The following GPI variants were observed in gnomAD, a reference collection of about 807,000 sequenced individuals.
GPI encodes the protein D-hexose-6-phosphate anomerase.
In GPI, 56 loss-of-function variants were observed where a neutral mutation model predicts 75.8. That is an observed-to-expected ratio of 0.74 (90% CI 0.60 to 0.92). The LOEUF (loss-of-function observed/expected upper bound fraction) is 0.92. GPI is among the 40% of genes least tolerant of loss of function. The pLI is 0.00. For missense variants in GPI, 638 were observed against 741.0 expected (o/e 0.86, Z 1.61); for synonymous variants, 288 against 285.4 (o/e 1.01, Z -0.09).
chr19:34,380,251 C>T (rs1568336295), intron 8 of GPI, among the ~76,000 whole-genome samples: 1 of 151,652 alleles, frequency 6.6e-6, no homozygotes, highest in Non-Finnish European at 1.5e-5. Context: ...CCACCTCAGC[C>T]TCCCAAAGTG....
chr19:34,394,782 C>T (rs145407286), intron 12 of GPI, among the ~76,000 whole-genome samples: 4 of 151,982 alleles, frequency 2.6e-5, no homozygotes, highest in East Asian at 3.9e-4. Context: ...GGCGCGATCT[C>T]GGCTCATTGC....
upstream of GPI, chr19:34,364,743 A>G (rs2074328251): frequency 4.8e-6 from 2 of 415,096 alleles, no homozygotes; most frequent in Admixed American, 8.6e-5. Flanking sequence ...TTTCCTCAAT[A>G]GCCCTTACCA....
chr19:34,399,553 C>T lies in GPI; in HGVS notation c.1399-3C>T. 6.2e-7 allele frequency: 1 copy of T among 1,613,682 alleles called. No individual in the cohort carries two copies. The highest frequency in any genetic ancestry group is 8.5e-7 in the Non-Finnish European group (1 of 1,179,574). ...TGGAGACATTCCTTGGTGTTTTCTG[C>T]AGGTCTTTGAAGGAAATCGCCCAAC... On this transcript the variant is annotated splice_region_variant and splice_polypyrimidine_tract_variant and intron_variant, in intron 15 of 17. Transcript: ENST00000356487.
chr19:34,382,278 G>A (rs1384549165), intron 9 of GPI, among the ~76,000 whole-genome samples: 1 of 152,296 alleles, frequency 6.6e-6, no homozygotes, highest in South Asian at 2.1e-4. Context: ...CCATTTGGTG[G>A]TTTTCCCACC....
At chr19:34,371,545 A>G (rs1206996739) in intron 4 of GPI, among the ~76,000 whole-genome samples, 1 of 152,042 alleles carries the variant, frequency 6.6e-6, no homozygotes, top group African/African-American at 2.4e-5. Flanking sequence ...GCTGGGTGTA[A>G]TTGTAATAAA....
chr19:34,361,595 G>A (rs1332762486), upstream of GPI, among the ~76,000 whole-genome samples: 2 of 152,102 alleles, frequency 1.3e-5, no homozygotes, highest in African/African-American at 4.8e-5. Context: ...AAATGGCTTT[G>A]GATTAGACTT....
intron 4 of GPI, among the ~76,000 whole-genome samples, chr19:34,376,616 C>CT (rs1305698873): frequency 6.6e-6 from 1 of 151,154 alleles, no homozygotes; most frequent in Non-Finnish European, 1.5e-5. Flanking sequence ...TTTTTGGAGT[C>CT]AGGGTCTTCC....
chr19:34,373,557 CAAA>C (rs538891535), intron 4 of GPI, among the ~76,000 whole-genome samples: 1 of 63,192 alleles, frequency 1.6e-5, no homozygotes. Flanking sequence ...ATTCCATCTC[CAAA>C]AAAAAAAAAA....
rs779166692 is a variant in GPI, at chr19:34,377,514, C to T, written c.414C>T (p.Ser138=). The T allele has an allele frequency of 1.5e-4, 237 of 1,611,426 alleles. No individual in the cohort carries two copies. Among genetic ancestry groups the T allele is most frequent in the Non-Finnish European group, 1.8e-4 (215 of 1,178,394 alleles). ...CGCCCCTGTGCCAGCGTGTCCGGAG[C>T]GGTGACTGGAAGGGGTACACAGGCA... ...KMKSFCQRVR[S]GDWKGYTGKT... The change falls in exon 5 of 18, where the codon AGC becomes AGT. Residue 138 remains serine, a synonymous_variant. Coordinates refer to ENST00000356487, the MANE Select transcript of GPI (RefSeq NM_000175.5).
Position 34,395,946 on chromosome 19 carries a change from CT to C in GPI, c.1063-346del, listed in dbSNP as rs1203851088. ...TTTCTTTTCCTTTTTTTTTTTTTTT[CT>C]TTTTTTTTGAGTTGGAGTTTTGCTC... On this transcript the variant is annotated intron_variant, in intron 12 of 17. Transcript: ENST00000356487. 2.6e-3 allele frequency among the ~76,000 whole-genome samples: 171 copies of C among 65,418 alleles called. 1 individual carries two copies. The Middle Eastern group carries it at 0.053, about 20-fold the overall frequency. 42.9% of individuals were successfully genotyped at this position (65,418 alleles called of 152,430 possible). A position where few individuals can be genotyped will look rare whatever the true frequency, so the allele number is the denominator to read the frequency against.
chr19:34,373,683 T>C (rs2074489646), intron 4 of GPI, among the ~76,000 whole-genome samples: 1 of 152,184 alleles, frequency 6.6e-6, no homozygotes, highest in African/African-American at 2.4e-5. Flanking sequence ...CGTCTCTTTA[T>C]GTGGGGAATT....
At chr19:34,399,474 GC>G (rs8191427) in intron 15 of GPI, 81 bp from the exon 16 acceptor site, 457 of 1,560,186 alleles carry the variant, frequency 2.9e-4, no homozygotes, top group Non-Finnish European at 3.9e-4. Flanking sequence ...GCACGTCTCA[GC>G]CTCTGGGGCA....
chr19:34,366,411 C>T lies in GPI; in HGVS notation c.189C>T (p.Asp63=), dbSNP rs769947359. 15 of 1,612,430 alleles carry T rather than the reference C, an allele frequency of 9.3e-6. No homozygotes were observed. Among genetic ancestry groups the T allele is most frequent in the Admixed American group, 3.3e-5 (2 of 59,992 alleles). The change falls in exon 2 of 18, where the codon GAC becomes GAT. Residue 63 remains aspartate (D), a synonymous_variant. Transcript: ENST00000356487. The part of the protein sequence containing the change: ...VDYSKNLVTE[D]VMRMLVDLAK... The stretch of plus-strand genomic sequence containing the variant: ...ACTCCAAGAACCTGGTGACGGAGGA[C>T]GTGATGCGGATGCTGGTGGACTTGG...
upstream of GPI, chr19:34,364,737 C>T: frequency 2.5e-6 from 1 of 406,974 alleles, no homozygotes; most frequent in East Asian, 3.6e-5. Flanking sequence ...CTTGGTTTTC[C>T]TCAATAGCCC....
chr19:34,379,107 G>A, intron 7 of GPI, 102 bp downstream of exon 7: 3 of 1,034,106 alleles, frequency 2.9e-6, no homozygotes, highest in Non-Finnish European at 3.1e-6. Context: ...CCTGAAGTTG[G>A]AAGTGAAGGC....
Position 34,377,535 on chromosome 19 carries a change from A to G in GPI, c.435A>G (p.Thr145=). The G allele has an allele frequency of 6.2e-7, 1 of 1,613,094 alleles. No individual in the cohort carries two copies. The highest frequency in any genetic ancestry group is 8.5e-7 in the Non-Finnish European group (1 of 1,179,708). The change falls in exon 5 of 18, where the codon ACA becomes ACG. Residue 145 remains threonine (T), a synonymous_variant. Transcript: ENST00000356487. ...GGAGCGGTGACTGGAAGGGGTACAC[A>G]GGCAAGACCATCACGGACGTCATCA... ...RVRSGDWKGY[T]GKTITDVINI... is the part of the protein sequence containing the mutation.
At chr19:34,396,553 A>T in intron 13 of GPI, 28 bp from the exon 14 acceptor site, 1 of 1,613,442 alleles carries the variant, frequency 6.2e-7, no homozygotes, top group South Asian at 1.1e-5. Context: ...GGCTGGGGTC[A>T]TGTGGGTGAC....
chr19:34,376,776 G>T (rs978516151), intron 4 of GPI, among the ~76,000 whole-genome samples: 1 of 151,908 alleles, frequency 6.6e-6, no homozygotes, highest in Non-Finnish European at 1.5e-5. Flanking sequence ...AGCGAGGCGC[G>T]GTGGCTCACA....
Position 34,400,006 on chromosome 19 carries a change from C to G in GPI, c.1647C>G (p.Ile549Met). Residue 549 changes from isoleucine (I) to methionine (M), a missense_variant, in exon 18 of 18, where the codon ATC becomes ATG. By Grantham distance (10) the Ile-to-Met change is conservative. Coordinates refer to ENST00000356487, the MANE Select transcript of GPI (RefSeq NM_000175.5). Reference protein sequence around the residue: ...DASTNGLINFIKQQREARVQ With the variant: ...DASTNGLINFMKQQREARVQ Reference sequence around the variant, plus strand: ...CTACCAATGGGCTCATCAACTTCATCAAGCAGCAGCGCGAGGCCAGAGTCC... The same window carrying G: ...CTACCAATGGGCTCATCAACTTCATGAAGCAGCAGCGCGAGGCCAGAGTCC... 2 of 1,613,454 alleles carry G rather than the reference C, an allele frequency of 1.2e-6. No homozygotes were observed. The highest frequency in any genetic ancestry group is 1.3e-5 in the African/African-American group (1 of 75,016).
Sources: gnomAD v4.1 joint callset for allele counts (sites outside exome capture counted in the v4.1 genomes callset) on GRCh38, gnomAD v4.1.1 for gene constraint, MANE v1.5 for transcripts, NCBI Gene and HGNC (gene_info 2026-07-23, HGNC 2026-07-21) for gene names.